Variants in SYT16 observed in about 807,000 individuals in gnomAD.
SYT16 encodes synaptotagmin 16, also known as synaptotagmin-16.
Under a neutral mutation model 61.4 loss-of-function variants are expected in SYT16, and 42 were observed. The ratio of observed to expected loss-of-function variants is 0.68; its 90% CI spans 0.53 to 0.89. SYT16 has a LOEUF of 0.89. Among genes scored for constraint, SYT16 ranks in the 40% least tolerant of loss-of-function variants. The probability of loss-of-function intolerance (pLI) is 0.00; values close to 1 mark genes in which losing one functional copy is unlikely to be tolerated. For missense variants in SYT16, 804 were observed against 807.3 expected (o/e 1.00, Z 0.05); for synonymous variants, 314 against 302.3 (o/e 1.04, Z -0.40).
intron 3 of SYT16, among the ~76,000 whole-genome samples, chr14:62,022,450 C>A (rs1055459877): frequency 7.2e-5 from 11 of 151,966 alleles, no homozygotes; most frequent in African/African-American, 2.4e-4. Context: ...TCTGCGAGTT[C>A]TCTTTGTTTT....
At chr14:61,893,438 T>C (rs2048210760) in intron 1 of SYT16, among the ~76,000 whole-genome samples, 1 of 152,206 alleles carries the variant, frequency 6.6e-6, no homozygotes, top group Non-Finnish European at 1.5e-5. Flanking sequence ...TGGAACCAAA[T>C]GGCATAAGTT....
At chr14:61,941,426 T>A (rs2050205386) in intron 1 of SYT16, among the ~76,000 whole-genome samples, 1 of 152,190 alleles carries the variant, frequency 6.6e-6, no homozygotes, top group East Asian at 1.9e-4. Context: ...ACAGTTTCAG[T>A]TGTTTTTTTC....
At chr14:62,074,933 G>A (rs572009645) in intron 4 of SYT16, among the ~76,000 whole-genome samples, 10 of 152,172 alleles carry the variant, frequency 6.6e-5, no homozygotes, top group South Asian at 4.2e-4. Context: ...CTTCTGATAC[G>A]CCACATAATG....
intron 7 of SYT16, among the ~76,000 whole-genome samples, chr14:62,099,885 GTCTGTCTGTCTGTC>G (rs2057375745): frequency 1.2e-5 from 1 of 86,148 alleles, no homozygotes; most frequent in African/African-American, 4.2e-5. Context: ...GTGTCTGTCT[GTCTGTCTGTCTGTC>G]TCTCTCTCAC....
At chr14:62,015,185 A>G (rs1424900018) in intron 3 of SYT16, among the ~76,000 whole-genome samples, 1 of 152,110 alleles carries the variant, frequency 6.6e-6, no homozygotes, top group South Asian at 2.1e-4. Flanking sequence ...AAATTTTTTT[A>G]TGGATGTACC....
intron 1 of SYT16, among the ~76,000 whole-genome samples, chr14:61,886,880 C>T (rs371788136): frequency 2.7e-4 from 30 of 110,828 alleles, no homozygotes; most frequent in South Asian, 6.3e-4. Context: ...TTTTTTTTGT[C>T]TTTTTTTTTT....
rs1024137015 is a variant in SYT16 at position 62,105,908 on chromosome 14, T to G, written c.*5201T>G. On this transcript the variant is annotated 3_prime_UTR_variant, in exon 8 of 8. Transcript: ENST00000683842. ...CAATTAAGGAGAAACATGAAGACAT[T>G]GGAGAATCACTTAGCTTAGGGCTTT... The G allele has an allele frequency of 6.6e-6, 1 of 152,146 alleles. No homozygotes were observed. The highest frequency in any genetic ancestry group is 1.5e-5 in the Non-Finnish European group (1 of 68,024). The allele number at this position is 152,146 out of a possible 1,614,324, so 9.4% of individuals were successfully genotyped here. A position where few individuals can be genotyped will look rare whatever the true frequency, so the allele number is the denominator to read the frequency against.
chr14:61,919,973 T>C (rs924213404), intron 1 of SYT16, among the ~76,000 whole-genome samples: 5 of 152,226 alleles, frequency 3.3e-5, no homozygotes, highest in Non-Finnish European at 7.3e-5. Flanking sequence ...CTGTTTTTCT[T>C]ATATCTCAGT....
chr14:61,845,886 A>G (rs370661521), intron 1 of SYT16, among the ~76,000 whole-genome samples: 21 of 152,124 alleles, frequency 1.4e-4, no homozygotes, highest in Middle Eastern at 3.4e-3. Flanking sequence ...TTCCATTATC[A>G]TTTGTTTCAA....
intron 1 of SYT16, among the ~76,000 whole-genome samples, chr14:61,858,120 C>CAAAAAA (rs34781118): frequency 3.7e-4 from 16 of 43,166 alleles, no homozygotes; most frequent in African/African-American, 5.2e-4. Context: ...CACAGCTTGG[C>CAAAAAA]AAAAAAAAAA....
chr14:62,073,207 T>G (rs2056364791), intron 4 of SYT16, among the ~76,000 whole-genome samples: 1 of 152,228 alleles, frequency 6.6e-6, no homozygotes, highest in African/African-American at 2.4e-5. Flanking sequence ...TAATGTAGCT[T>G]TTGAAAATTC....
chr14:61,833,183 C>G (rs72716757), intron 1 of SYT16, among the ~76,000 whole-genome samples: 11,093 of 152,142 alleles, frequency 0.073, 509 homozygotes, highest in Non-Finnish European at 0.1. Context: ...TTTATAGTAA[C>G]AATTCATCTT....
chr14:61,997,142 AT>A (rs1247808561), intron 3 of SYT16, among the ~76,000 whole-genome samples: 1 of 152,128 alleles, frequency 6.6e-6, no homozygotes, highest in Non-Finnish European at 1.5e-5. Context: ...TGGGCCTTCA[AT>A]AAATGTATAT....
intron 1 of SYT16, among the ~76,000 whole-genome samples, chr14:61,913,012 C>T (rs2048990247): frequency 6.6e-6 from 1 of 151,714 alleles, no homozygotes; most frequent in South Asian, 2.1e-4. Flanking sequence ...AGTCTTGGTC[C>T]TTCTTCATTT....
At chr14:61,927,506 GAAT>G (rs1489853461) in intron 1 of SYT16, among the ~76,000 whole-genome samples, 1 of 152,124 alleles carries the variant, frequency 6.6e-6, no homozygotes, top group Non-Finnish European at 1.5e-5. Flanking sequence ...GACAGCAAAT[GAAT>G]AATAATTTGC....
At chr14:62,097,836 A>T (rs897768366) in intron 7 of SYT16, among the ~76,000 whole-genome samples, 1 of 152,218 alleles carries the variant, frequency 6.6e-6, no homozygotes. Context: ...GATTAACTCA[A>T]TTCCCACTGC....
Position 62,009,707 on chromosome 14 carries a change from A to G in SYT16, c.523+13165A>G, listed in dbSNP as rs550628449. On this transcript the variant is annotated intron_variant, in intron 3 of 7. Transcript: ENST00000683842. ...GATTCCTGTTTTACTCACTGTTCCT[A>G]TTAGGGGTACTCCAGCACAGCCCCT... Among the ~76,000 whole-genome samples, 29 of 152,258 alleles carry G rather than the reference A, an allele frequency of 1.9e-4. No individual in the cohort carries two copies. The South Asian group carries it at 6.0e-3, about 32-fold the overall frequency.
chr14:61,826,190 C>T (rs2045766927), intron 1 of SYT16, among the ~76,000 whole-genome samples: 1 of 151,954 alleles, frequency 6.6e-6, no homozygotes, highest in South Asian at 2.1e-4. Flanking sequence ...AGGATGCCAT[C>T]CCATCTCAGG....
At chr14:61,940,022 A>G (rs886978641) in intron 1 of SYT16, among the ~76,000 whole-genome samples, 1 of 152,118 alleles carries the variant, frequency 6.6e-6, no homozygotes, top group African/African-American at 2.4e-5. Context: ...AACTCTGGCA[A>G]TGCTCGTTTC....
Sources: gnomAD v4.1 joint callset for allele counts (sites outside exome capture counted in the v4.1 genomes callset) on GRCh38, gnomAD v4.1.1 for gene constraint, MANE v1.5 for transcripts, NCBI Gene and HGNC (gene_info 2026-07-23, HGNC 2026-07-21) for gene names.